Variants in MMP15 observed in about 807,000 individuals in gnomAD.
MMP15 encodes matrix metallopeptidase 15.
In MMP15, 36 loss-of-function variants were observed where a neutral mutation model predicts 65.0. That is an observed-to-expected ratio of 0.55 (90% confidence interval 0.42 to 0.73). The LOEUF is 0.73. Ranked by LOEUF, MMP15 falls within the 30% of genes least tolerant of loss-of-function variation. MMP15 has a pLI of 0.00. For synonymous variants in MMP15, 428 were observed against 410.2 expected, an observed-to-expected ratio of 1.04 and a Z score of -0.52; for missense variants, 870 against 987.8, an observed-to-expected ratio of 0.88 and a Z score of 1.60.
chr16:58,027,923 C>T (rs1014819944), intron 1 of MMP15, among the ~76,000 whole-genome samples: 2 of 149,596 alleles, frequency 1.3e-5, no homozygotes, highest in East Asian at 2.0e-4. Context: ...GTGAGGATTA[C>T]CCCTCAGCCT....
chr16:58,028,083 A>G (rs1040081550), intron 1 of MMP15, among the ~76,000 whole-genome samples: 9 of 152,334 alleles, frequency 5.9e-5, no homozygotes, highest in African/African-American at 1.7e-4. Context: ...ATGGAATTCA[A>G]TGGCCGTGCA....
At chr16:58,042,771 C>G (rs185377591) in intron 7 of MMP15, among the ~76,000 whole-genome samples, 54 of 152,346 alleles carry the variant, frequency 3.5e-4, no homozygotes, top group Admixed American at 2.3e-3. Context: ...AGGGCTCTAA[C>G]CCCACTGTCC....
intron 9 of MMP15, among the ~76,000 whole-genome samples, chr16:58,043,879 A>T (rs1214053491): frequency 6.6e-6 from 1 of 152,228 alleles, no homozygotes; most frequent in African/African-American, 2.4e-5. Context: ...TTCCACAGCC[A>T]GGAAGGTGCG....
intron 9 of MMP15, 32 bp downstream of exon 9, chr16:58,043,659 C>T (rs1177988386): frequency 6.6e-7 from 1 of 1,503,914 alleles, no homozygotes. Context: ...GTTTGCCCAG[C>T]ACCTAATATC....
At position 58,035,356 on chromosome 16, in the gene MMP15, C is replaced by A. The variant is rs149710902; in HGVS notation, c.163-2116C>A. Among the ~76,000 whole-genome samples the A allele has an allele frequency of 1.3e-3, 197 of 152,258 alleles. 1 individual carries two copies. The highest frequency in any genetic ancestry group is 6.8e-3 in the Middle Eastern group (2 of 294). On this transcript the variant is annotated intron_variant, in intron 1 of 9. Coordinates refer to ENST00000219271, the MANE Select transcript of MMP15 (RefSeq NM_002428.4). ...GAGGGGCCCTAGGGGCCTCCTGCCT[C>A]CCTCCACTCTGGGGTCCTGGTGGAG...
In MMP15 at chr16:58,025,818, G is replaced by A. The variant is rs1486453717; in HGVS notation, c.-533G>A. On this transcript the variant is annotated 5_prime_UTR_variant, in exon 1 of 10. Coordinates refer to ENST00000219271, the MANE Select transcript of MMP15 (RefSeq NM_002428.4). The stretch of plus-strand genomic sequence containing the variant: ...CGGGGACGTCGGGCGCCCGCTCCTT[G>A]GCTGGCTCGCTTGCTCTCTCGCTCG... 1 of 151,766 alleles carries A rather than the reference G, an allele frequency of 6.6e-6. No individual in the cohort carries two copies. Among genetic ancestry groups the A allele is most frequent in the African/African-American group, 2.4e-5 (1 of 41,360 alleles). The allele number at this position is 151,766 out of a possible 1,614,324, so 9.4% of individuals were successfully genotyped here. A position where few individuals can be genotyped will look rare whatever the true frequency, so the allele number is the denominator to read the frequency against.
chr16:58,041,346 C>T (rs1253191134), intron 5 of MMP15, among the ~76,000 whole-genome samples: 1 of 152,182 alleles, frequency 6.6e-6, no homozygotes, highest in South Asian at 2.1e-4. Flanking sequence ...CTGGAGCAGG[C>T]TGGCATCCCA....
intron 2 of MMP15, 137 bp from the exon 3 acceptor site, chr16:58,038,129 A>G: frequency 7.6e-6 from 9 of 1,188,746 alleles, no homozygotes; most frequent in Non-Finnish European, 1.1e-5. Context: ...TGGAAGTTGA[A>G]GCTGAGAGTC....
intron 1 of MMP15, among the ~76,000 whole-genome samples, chr16:58,034,139 G>A (rs940629238): frequency 3.3e-5 from 5 of 152,206 alleles, no homozygotes; most frequent in African/African-American, 4.8e-5. Flanking sequence ...AGCTTCACCC[G>A]CTTGGCTCAC....
At chr16:58,044,454 C>T (rs1182705191) in intron 9 of MMP15, among the ~76,000 whole-genome samples, 3 of 152,172 alleles carry the variant, frequency 2.0e-5, no homozygotes, top group African/African-American at 7.2e-5. Context: ...CCTGCTTTGC[C>T]AGTGCTCAGG....
At position 58,042,280 on chromosome 16, in the gene MMP15, C is replaced by T; in HGVS notation, c.1214C>T (p.Pro405Leu). Reference sequence around the variant, plus strand: ...CACAACCGCGTCCTGGACAACTATCCCATGCCCATCGGGCACTTCTGGCGT... The same window carrying T: ...CACAACCGCGTCCTGGACAACTATCTCATGCCCATCGGGCACTTCTGGCGT... Reference protein sequence around the residue: ...VRHNRVLDNYPMPIGHFWRGL... With the variant: ...VRHNRVLDNYLMPIGHFWRGL... Residue 405 changes from proline (P) to leucine (L), a missense_variant, in exon 7 of 10, where the codon CCC becomes CTC. Coordinates refer to ENST00000219271, the MANE Select transcript of MMP15 (RefSeq NM_002428.4). 6.2e-7 allele frequency: 1 copy of T among 1,614,228 alleles called. No individual in the cohort carries two copies. The highest frequency in any genetic ancestry group is 8.5e-7 in the Non-Finnish European group (1 of 1,180,042).
At position 58,041,704 on chromosome 16, in the gene MMP15, G is replaced by GGCCTCCCCA. The variant is rs1250954734; in HGVS notation, c.1002_1010dup (p.Gln336_Pro338dup). Reference sequence around the variant, plus strand: ...GGCCGGCCTGACCACCGGCCGCCCCGGCCTCCCCAGCCACCACCCCCAGGT... The same window carrying GGCCTCCCCA: ...GGCCGGCCTGACCACCGGCCGCCCCGGCCTCCCCAGCCTCCCCAGCCACCACCCCCAGGT... On this transcript the variant is annotated inframe_insertion, in exon 6 of 10. Coordinates refer to ENST00000219271, the MANE Select transcript of MMP15 (RefSeq NM_002428.4). The GGCCTCCCCA allele has an allele frequency of 6.3e-7, 1 of 1,582,030 alleles. No homozygotes were observed. Among genetic ancestry groups the GGCCTCCCCA allele is most frequent in the Non-Finnish European group, 8.6e-7 (1 of 1,164,280 alleles).
At chr16:58,028,827 G>C (rs1167445426) in intron 1 of MMP15, among the ~76,000 whole-genome samples, 1 of 152,214 alleles carries the variant, frequency 6.6e-6, no homozygotes, top group Non-Finnish European at 1.5e-5. Flanking sequence ...CCTGCAACCT[G>C]CCAGGCCCTA....
chr16:58,037,410 G>C (rs1959352249), intron 1 of MMP15, 62 bp from the exon 2 acceptor site: 1 of 1,583,916 alleles, frequency 6.3e-7, no homozygotes, highest in African/African-American at 1.3e-5. Flanking sequence ...GTCGGCACAG[G>C]CTGTGCATGT....
intron 2 of MMP15, 34 bp from the exon 3 acceptor site, chr16:58,038,232 G>A (rs1204664236): frequency 1.2e-6 from 2 of 1,608,890 alleles, no homozygotes; most frequent in Non-Finnish European, 1.7e-6. Context: ...TGGAGGGGAG[G>A]CTCCGTGCTC....
At chr16:58,031,090 G>A (rs1297944592) in intron 1 of MMP15, among the ~76,000 whole-genome samples, 1 of 152,256 alleles carries the variant, frequency 6.6e-6, no homozygotes, top group East Asian at 1.9e-4. Context: ...CTCTTCAAGT[G>A]TAGATGCTGT....
intron 6 of MMP15, 43 bp downstream of exon 6, chr16:58,041,913 G>A: frequency 2.6e-6 from 4 of 1,529,456 alleles, no homozygotes; most frequent in Non-Finnish European, 3.5e-6. Flanking sequence ...CCTTTTCCCT[G>A]GCTGCTCTGG....
Position 58,045,432 on chromosome 16 carries a change from C to T in MMP15, c.1996C>T (p.Gln666Ter), listed in dbSNP as rs769583252. 8 of 1,538,914 alleles carry T rather than the reference C, an allele frequency of 5.2e-6. No homozygotes were observed. Among genetic ancestry groups the T allele is most frequent in the Non-Finnish European group, 7.0e-6 (8 of 1,142,722 alleles). ...RVLLYCKRSL[Q>*]EWV ...CCTGCTTTACTGCAAGCGCTCGCTG[C>T]AGGAGTGGGTCTGACCACCCAGCGC... Residue 666 changes from glutamine (Q) to a stop codon, truncating the protein, a stop_gained, in exon 10 of 10, where the codon CAG (glutamine) becomes TAG (stop). Transcript: ENST00000219271. LOFTEE classifies it high-confidence loss of function.
rs1122306 is a variant in MMP15 at position 58,046,468 on chromosome 16, G to A, written c.*1022G>A. 0.11 allele frequency: 16,128 copies of A among 152,566 alleles called. 2,859 individuals are homozygous for A. The highest frequency in any genetic ancestry group is 0.37 in the African/African-American group (15,218 of 41,494). 9.5% of individuals were successfully genotyped at this position (152,566 alleles called of 1,614,324 possible). A position where few individuals can be genotyped will look rare whatever the true frequency, so the allele number is the denominator to read the frequency against. ...CCCTGTGCCCCCAGGGTCCTGGGAG[G>A]AGAGACACTGGTGGGGATAGGCCAG... is the stretch of plus-strand genomic sequence containing the variant. On this transcript the variant is annotated 3_prime_UTR_variant, in exon 10 of 10. Transcript: ENST00000219271.
Sources: allele counts gnomAD v4.1 joint callset (sites outside exome capture counted in the v4.1 genomes callset), GRCh38; gene constraint gnomAD v4.1.1; transcripts MANE v1.5; gene names NCBI Gene and HGNC (gene_info 2026-07-23, HGNC 2026-07-21).